Variants in ATP2B2 observed in about 807,000 individuals in gnomAD.
ATP2B2 encodes the protein ATPase plasma membrane Ca2+ transporting 2.
Under a neutral mutation model 120.0 loss-of-function variants are expected in ATP2B2, and 15 were observed. That is an observed-to-expected ratio of 0.12 (90% confidence interval 0.08 to 0.19). The LOEUF (loss-of-function observed/expected upper bound fraction) is 0.19. ATP2B2 is among the 10% of genes least tolerant of loss of function. The pLI is 1.00. For synonymous variants in ATP2B2, 694 were observed against 700.3 expected, an observed-to-expected ratio of 0.99 and a Z score of 0.14; for missense variants, 1,045 against 1,719.8, an observed-to-expected ratio of 0.61 and a Z score of 6.94.
At chr3:10,360,890 C>T (rs1248301080) in intron 12 of ATP2B2, among the ~76,000 whole-genome samples, 1 of 152,190 alleles carries the variant, frequency 6.6e-6, no homozygotes. Flanking sequence ...TTGTACTACC[C>T]TTTTTTTAAA....
intron 1 of ATP2B2, among the ~76,000 whole-genome samples, chr3:10,620,831 C>T (rs1354770012): frequency 6.6e-6 from 1 of 152,298 alleles, no homozygotes; most frequent in Non-Finnish European, 1.5e-5. Flanking sequence ...CAGCCCCTAC[C>T]AGCCACCTCC....
At chr3:10,648,880 G>A (rs1048123128) in intron 1 of ATP2B2, among the ~76,000 whole-genome samples, 2 of 152,192 alleles carry the variant, frequency 1.3e-5, no homozygotes, top group African/African-American at 4.8e-5. Flanking sequence ...CTGGGCCACA[G>A]CAGAAGCTTC....
intron 12 of ATP2B2, among the ~76,000 whole-genome samples, chr3:10,371,493 C>G (rs2061241124): frequency 1.3e-5 from 2 of 152,236 alleles, no homozygotes; most frequent in Admixed American, 1.3e-4. Flanking sequence ...TTTCAAGCCA[C>G]TAAGTTTTGG....
intron 1 of ATP2B2, among the ~76,000 whole-genome samples, chr3:10,629,787 A>C (rs1311689759): frequency 1.3e-5 from 2 of 152,244 alleles, no homozygotes. Context: ...TAAGCAGTTC[A>C]GCTCACAAAC....
chr3:10,470,626 C>T (rs1251210492), intron 1 of ATP2B2, among the ~76,000 whole-genome samples: 1 of 152,202 alleles, frequency 6.6e-6, no homozygotes, highest in Admixed American at 6.5e-5. Flanking sequence ...TCCTGTGTCT[C>T]TCTGACTTCA....
At chr3:10,658,939 T>C (rs930738942) in intron 1 of ATP2B2, among the ~76,000 whole-genome samples, 1 of 152,092 alleles carries the variant, frequency 6.6e-6, no homozygotes, top group African/African-American at 2.4e-5. Context: ...GGGCCAATAT[T>C]CAACATTCTT....
At chr3:10,637,853 C>T (rs1367354045) in intron 1 of ATP2B2, among the ~76,000 whole-genome samples, 1 of 151,528 alleles carries the variant, frequency 6.6e-6, no homozygotes, top group Non-Finnish European at 1.5e-5. Flanking sequence ...ACATCAAAAT[C>T]AAATTGTGGA....
At chr3:10,480,321 A>T (rs1559389791) in intron 1 of ATP2B2, among the ~76,000 whole-genome samples, 1 of 152,168 alleles carries the variant, frequency 6.6e-6, no homozygotes. Context: ...GATGCATATG[A>T]AAGTGTCGAG....
At chr3:10,449,150 C>T (rs113921106) in intron 2 of ATP2B2, among the ~76,000 whole-genome samples, 195 bp downstream of exon 2, 113 of 152,336 alleles carry the variant, frequency 7.4e-4, no homozygotes, top group Middle Eastern at 6.8e-3. Context: ...CATGCCCAAC[C>T]CCTGATGAAG....
intron 22 of ATP2B2, among the ~76,000 whole-genome samples, chr3:10,331,156 T>C (rs26310): frequency 0.39 from 59,648 of 152,098 alleles, 12,282 homozygotes; most frequent in East Asian, 0.57. Context: ...ACACGGCCTT[T>C]ATGCTGGTGC....
chr3:10,364,219 T>C (rs1028535712), intron 12 of ATP2B2, among the ~76,000 whole-genome samples: 3 of 152,036 alleles, frequency 2.0e-5, no homozygotes, highest in Non-Finnish European at 1.5e-5. Flanking sequence ...GTGCCAGACA[T>C]GGGAGGAGAG....
chr3:10,331,885 T>G lies in ATP2B2; in HGVS notation c.3421-2760A>C, dbSNP rs2059990700. ...AAAACGCACAGGCCCTGGTCTGAGA[T>G]GGGTTCTACATACTCGAATGTTTAC... On this transcript the variant is annotated intron_variant, in intron 22 of 22. Coordinates refer to ENST00000360273, the MANE Select transcript of ATP2B2 (RefSeq NM_001001331.4). 11 of 1,204,678 alleles carry G rather than the reference T, an allele frequency of 9.1e-6. 1 individual carries two copies. The highest frequency in any genetic ancestry group is 1.3e-5 in the Non-Finnish European group (11 of 849,006). 74.6% of individuals were successfully genotyped at this position (1,204,678 alleles called of 1,614,324 possible).
chr3:10,455,166 A>G (rs987662993), intron 1 of ATP2B2, among the ~76,000 whole-genome samples: 1 of 152,190 alleles, frequency 6.6e-6, no homozygotes, highest in Non-Finnish European at 1.5e-5. Flanking sequence ...TGGGCTAGTG[A>G]TTCCTACCCT....
intron 2 of ATP2B2, among the ~76,000 whole-genome samples, chr3:10,600,473 G>A (rs2068878475): frequency 6.6e-6 from 1 of 152,186 alleles, no homozygotes; most frequent in African/African-American, 2.4e-5. Context: ...AGCTTGCTCA[G>A]CCCTAGCAGC....
At position 10,553,323 on chromosome 3, in the gene ATP2B2, C is replaced by T. The variant is rs181807560; in HGVS notation, c.-414-19190G>A. On this transcript the variant is annotated intron_variant, in intron 2 of 21. Transcript: ENST00000646379. ...GTCTGGTTTGCCTCAGTTTCCTCAG[C>T]GCCCTGTTCCATGCCTGACACAGAG... Among the ~76,000 whole-genome samples, 407 of 152,248 alleles carry T rather than the reference C, an allele frequency of 2.7e-3. 2 individuals carry two copies. Among genetic ancestry groups the T allele is most frequent in the South Asian group, 5.0e-3 (24 of 4,810 alleles).
At chr3:10,359,630 G>A (rs2060839206) in intron 13 of ATP2B2, among the ~76,000 whole-genome samples, 2 of 152,210 alleles carry the variant, frequency 1.3e-5, no homozygotes, top group Non-Finnish European at 2.9e-5. Context: ...AGAAGGGGGA[G>A]GACTCTGGCT....
chr3:10,334,980 C>T (rs191949711), intron 22 of ATP2B2, among the ~76,000 whole-genome samples: 34 of 152,294 alleles, frequency 2.2e-4, no homozygotes, highest in Admixed American at 1.2e-3. Context: ...AGATCAGAAG[C>T]GCCTGACTGG....
At chr3:10,504,564 C>CG (rs922255451) in intron 1 of ATP2B2, among the ~76,000 whole-genome samples, 7 of 150,702 alleles carry the variant, frequency 4.6e-5, no homozygotes, top group Non-Finnish European at 5.9e-5. Flanking sequence ...TCCAGAGCAC[C>CG]CCCCCAACCC....
intron 12 of ATP2B2, among the ~76,000 whole-genome samples, chr3:10,362,123 G>C (rs1412333573): frequency 6.6e-6 from 1 of 152,244 alleles, no homozygotes; most frequent in Non-Finnish European, 1.5e-5. Context: ...ACTCTAGAGA[G>C]ATTCTGAAGA....
Sources: allele counts gnomAD v4.1 joint callset (sites outside exome capture counted in the v4.1 genomes callset), GRCh38; gene constraint gnomAD v4.1.1; transcripts MANE v1.5; gene names NCBI Gene and HGNC (gene_info 2026-07-23, HGNC 2026-07-21).